Variants in KIF26A observed in about 807,000 individuals in gnomAD.
KIF26A encodes the protein kinesin family member 26A, also known as kinesin-like protein KIF26A.
Under a neutral mutation model 126.0 loss-of-function variants are expected in KIF26A, and 74 were observed. The observed-to-expected ratio is 0.59, with a 90% CI of 0.49 to 0.71. The LOEUF is 0.71. Among genes scored for constraint, KIF26A ranks in the 30% least tolerant of loss-of-function variants. The pLI, the probability that KIF26A is intolerant of heterozygous loss-of-function variation, is 0.00. For missense variants in KIF26A, 2,984 were observed against 2,763.3 expected (o/e 1.08, Z -1.79); for synonymous variants, 1,445 against 1,232.7 (o/e 1.17, Z -3.61).
At chr14:104,158,697 G>A (rs890423588) in intron 4 of KIF26A, among the ~76,000 whole-genome samples, 1 of 152,208 alleles carries the variant, frequency 6.6e-6, no homozygotes, top group African/African-American at 2.4e-5. Context: ...CCGACTGGTG[G>A]TGTGGATGGG....
chr14:104,163,635 C>T (rs1489969183), intron 4 of KIF26A, among the ~76,000 whole-genome samples: 2 of 151,890 alleles, frequency 1.3e-5, no homozygotes, highest in African/African-American at 4.8e-5. Context: ...TGGGCCCCAC[C>T]CTGTGTGGCT....
At chr14:104,168,987 C>T (rs1053849350) in intron 5 of KIF26A, among the ~76,000 whole-genome samples, 1 of 152,232 alleles carries the variant, frequency 6.6e-6, no homozygotes, top group Non-Finnish European at 1.5e-5. Context: ...GTGCGTGTGC[C>T]CGGCACGGGC....
Position 104,179,948 on chromosome 14 carries a change from G to C in KIF26A, c.*158G>C. The stretch of plus-strand genomic sequence containing the variant: ...GGAGACGGAGTGTGGGGGAGGGAGG[G>C]CCGGCCACGCGGTGGACAGAGCGAG... On this transcript the variant is annotated 3_prime_UTR_variant, in exon 15 of 15. Coordinates refer to ENST00000423312, the MANE Select transcript of KIF26A (RefSeq NM_015656.2). 28 of 760,414 alleles carry C rather than the reference G, an allele frequency of 3.7e-5. No individual in the cohort carries two copies. Among genetic ancestry groups the C allele is most frequent in the Middle Eastern group, 3.9e-4 (1 of 2,538 alleles). 47.1% of individuals were successfully genotyped at this position (760,414 alleles called of 1,614,324 possible).
chr14:104,177,851 C>T lies in KIF26A; in HGVS notation c.5063C>T (p.Pro1688Leu). 6.4e-7 allele frequency: 1 copy of T among 1,562,028 alleles called. No homozygotes were observed. The change falls in exon 12 of 15, where the codon CCA becomes CTA. Residue 1688 changes from proline (P) to leucine (L), a missense_variant. By Grantham distance (98) the Pro-to-Leu change is moderately conservative. Transcript: ENST00000423312. ...ATGAGCGAGAGTGGGGCTGCCTCCC[C>T]AGGCGCCCGCACCCGCAGCCTCAAG... is the stretch of plus-strand genomic sequence containing the variant. ...DSMSESGAAS[P>L]GARTRSLKSP...
At position 104,174,999 on chromosome 14, in the gene KIF26A, T is replaced by A; in HGVS notation, c.2211T>A (p.Ser737=). 6.5e-7 allele frequency: 1 copy of A among 1,547,600 alleles called. No individual in the cohort carries two copies. Among genetic ancestry groups the A allele is most frequent in the East Asian group, 2.4e-5 (1 of 41,710 alleles). ...TCCCCCAGTACGCCTCCAGCTCCTC[T>A]GGCGGGGAGAGCTCCTGTGAGGAAG... ...RKKAKYASSS[S]GGESSCEEGR... is the part of the protein sequence containing the mutation. Residue 737 remains serine (S), a synonymous_variant, in exon 12 of 15, where the codon TCT becomes TCA. Transcript: ENST00000423312.
At chr14:104,144,209 G>A (rs892405768) in intron 2 of KIF26A, among the ~76,000 whole-genome samples, 3 of 152,194 alleles carry the variant, frequency 2.0e-5, no homozygotes, top group African/African-American at 4.8e-5. Context: ...ATGGGCATTT[G>A]GGGGAGGACT....
At chr14:104,172,693 A>G (rs2141114776) in intron 7 of KIF26A, 25 bp downstream of exon 7, 3 of 1,555,180 alleles carry the variant, frequency 1.9e-6, no homozygotes, top group South Asian at 2.3e-5. Context: ...CCCACCCTAG[A>G]TGGGTCCTGC....
chr14:104,155,674 C>A (rs573447699), intron 3 of KIF26A, among the ~76,000 whole-genome samples: 1 of 152,238 alleles, frequency 6.6e-6, no homozygotes, highest in African/African-American at 2.4e-5. Flanking sequence ...GCCGTCCCGG[C>A]GGATGGGGCG....
chr14:104,140,827 C>A (rs1434186204), intron 2 of KIF26A, among the ~76,000 whole-genome samples: 1 of 152,202 alleles, frequency 6.6e-6, no homozygotes, highest in Non-Finnish European at 1.5e-5. Flanking sequence ...TCCCCCTTCC[C>A]TAGCTGGCGC....
chr14:104,151,173 G>C lies in KIF26A; in HGVS notation c.289-842G>C, dbSNP rs980716280. On this transcript the variant is annotated intron_variant, in intron 2 of 14. Transcript: ENST00000423312. The surrounding 1 kb of genome is among the most constrained non-coding windows in gnomAD (Gnocchi z 4.9). ...CTTGCTCCTCCTCCTCTTCCTGGAA[G>C]ATGTCACTGCCTCCAGGAAGCCTTC... Among the ~76,000 whole-genome samples, 11 of 152,202 alleles carry C rather than the reference G, an allele frequency of 7.2e-5. No individual in the cohort carries two copies. The highest frequency in any genetic ancestry group is 2.7e-4 in the African/African-American group (11 of 41,454).
intron 11 of KIF26A, among the ~76,000 whole-genome samples, 192 bp downstream of exon 11, chr14:104,174,502 T>G (rs1208680877): frequency 6.6e-6 from 1 of 152,024 alleles, no homozygotes; most frequent in Non-Finnish European, 1.5e-5. Flanking sequence ...CAGCCTGAGG[T>G]CCCTGGCTGC....
chr14:104,172,628 G>C lies in KIF26A; in HGVS notation c.1380G>C (p.Gly460=). The C allele has an allele frequency of 6.2e-7, 1 of 1,613,224 alleles. No individual in the cohort carries two copies. The highest frequency in any genetic ancestry group is 2.2e-5 in the East Asian group (1 of 44,868). ...ACGTGCTCCAGTCGGTGGTCAGTGG[G>C]GCTGATGGCTGCATTTTTTCCTTTG... ...VADVLQSVVS[G]ADGCIFSFGH... The change falls in exon 7 of 15, where the codon GGG becomes GGC. Residue 460 remains glycine, a synonymous_variant. Coordinates refer to ENST00000423312, the MANE Select transcript of KIF26A (RefSeq NM_015656.2).
intron 2 of KIF26A, among the ~76,000 whole-genome samples, chr14:104,146,478 G>A (rs1423457128): frequency 2.6e-5 from 4 of 152,102 alleles, no homozygotes; most frequent in Non-Finnish European, 5.9e-5. Context: ...CCTACCGAGT[G>A]GTGGGAAGAG....
Position 104,178,641 on chromosome 14 carries a change from GC to G in KIF26A, c.5207del (p.Pro1736ArgfsTer7). ...GCCTCCCCGGGCAGTGGGTGGACCT[GC>G]CCCCGCCCCTGGCTGGCTCCCTGAA... The part of the protein sequence containing the change: ...PSLPGQWVDL[P>X]PPLAGSLKEP... On this transcript the variant is annotated frameshift_variant, in exon 13 of 15. Transcript: ENST00000423312. LOFTEE classifies it high-confidence loss of function. The G allele has an allele frequency of 6.4e-7, 1 of 1,551,034 alleles. No individual in the cohort carries two copies. Among genetic ancestry groups the G allele is most frequent in the Non-Finnish European group, 8.7e-7 (1 of 1,147,674 alleles).
At chr14:104,138,938 GC>G in intron 1 of KIF26A, 104 bp from the exon 2 acceptor site, 1 of 1,294,358 alleles carries the variant, frequency 7.7e-7, no homozygotes, top group Non-Finnish European at 9.8e-7. Flanking sequence ...CGTGCCCAGG[GC>G]TCCTAACTTT....
At chr14:104,154,445 G>A (rs1306721880) in intron 3 of KIF26A, among the ~76,000 whole-genome samples, 1 of 152,204 alleles carries the variant, frequency 6.6e-6, no homozygotes, top group African/African-American at 2.4e-5. Flanking sequence ...GTGGGGCCTG[G>A]AACATCCCAC....
chr14:104,179,539 G>A lies in KIF26A; in HGVS notation c.5468-70G>A. The A allele has an allele frequency of 3.5e-6, 5 of 1,441,814 alleles. No homozygotes were observed. The South Asian group carries it at 5.8e-5, about 17-fold the overall frequency. 89.3% of individuals were successfully genotyped at this position (1,441,814 alleles called of 1,614,324 possible). On this transcript the variant is annotated intron_variant, in intron 14 of 14. Transcript: ENST00000423312. ...CCAAGATGCCTTTCCTGGGGCCTCT[G>A]GGGGGCCAGGTGGCTGCCCCCAGCC...
At chr14:104,143,460 A>T (rs35219418) in intron 2 of KIF26A, among the ~76,000 whole-genome samples, 25,576 of 151,674 alleles carry the variant, frequency 0.17, 2,791 homozygotes, top group Middle Eastern at 0.26. Flanking sequence ...ACTGGAGGTG[A>T]CTCCTGCCAG....
chr14:104,165,348 ATG>A (rs975520886), intron 4 of KIF26A, among the ~76,000 whole-genome samples: 2 of 80,834 alleles, frequency 2.5e-5, no homozygotes. Context: ...TGTCTGTATC[ATG>A]TGTGCGTCTG....
Sources: allele counts gnomAD v4.1 joint callset (sites outside exome capture counted in the v4.1 genomes callset), GRCh38; gene constraint gnomAD v4.1.1; non-coding constraint Gnocchi (gnomAD v3.1); transcripts MANE v1.5; gene names NCBI Gene and HGNC (gene_info 2026-07-23, HGNC 2026-07-21).